Variants in LATS1 observed in about 807,000 individuals in gnomAD.
The protein encoded by LATS1 is serine/threonine-protein kinase LATS1.
A neutral mutation model predicts 106.6 loss-of-function variants in LATS1; 25 were observed. The ratio of observed to expected loss-of-function variants is 0.23; its 90% CI spans 0.17 to 0.33. LATS1 has a LOEUF of 0.33. LATS1 is among the 10% of genes least tolerant of loss of function. LATS1 has a pLI of 1.00. For missense variants in LATS1, 1,040 were observed against 1,382.6 expected, an observed-to-expected ratio of 0.75 and a Z score of 3.93; for synonymous variants, 465 against 455.6, an observed-to-expected ratio of 1.02 and a Z score of -0.26.
chr6:149,700,876 C>A (rs1311395501), intron 2 of LATS1, among the ~76,000 whole-genome samples: 1 of 152,194 alleles, frequency 6.6e-6, no homozygotes, highest in Non-Finnish European at 1.5e-5. Context: ...CTCTGCCTCC[C>A]GGGTTCAAGA....
At chr6:149,679,818 C>A (rs1474106894) in intron 5 of LATS1, 57 bp downstream of exon 5, 51 of 1,238,824 alleles carry the variant, frequency 4.1e-5, no homozygotes, top group Non-Finnish European at 5.4e-5. Flanking sequence ...TATTTTACTA[C>A]ATCAATAAAT....
intron 2 of LATS1, among the ~76,000 whole-genome samples, chr6:149,698,751 G>A (rs970129098): frequency 2.6e-5 from 4 of 150,994 alleles, no homozygotes; most frequent in African/African-American, 7.3e-5. Context: ...TTGTAGAGTC[G>A]GAGTTTCACC....
chr6:149,697,172 T>G (rs1783146947), intron 2 of LATS1: 1 of 1,332,522 alleles, frequency 7.5e-7, no homozygotes, highest in Admixed American at 1.9e-5. Context: ...AACAGGCTAC[T>G]GACAGATGAT....
chr6:149,684,642 C>T (rs777053509), intron 3 of LATS1, 50 bp from the exon 4 acceptor site: 3 of 1,376,730 alleles, frequency 2.2e-6, no homozygotes, highest in Non-Finnish European at 2.9e-6. Flanking sequence ...TTTTTAACCT[C>T]TAATTTTTGA....
chr6:149,665,535 A>C (rs938093976), intron 7 of LATS1, among the ~76,000 whole-genome samples: 1 of 152,064 alleles, frequency 6.6e-6, no homozygotes, highest in African/African-American at 2.4e-5. Context: ...CTAAATAGGG[A>C]GCCCCAGGGA....
chr6:149,674,024 T>C (rs1781577498), intron 7 of LATS1, among the ~76,000 whole-genome samples: 1 of 151,082 alleles, frequency 6.6e-6, no homozygotes, highest in Non-Finnish European at 1.5e-5. Context: ...AAGTTATAGC[T>C]TAAGAAAGGT....
At position 149,660,474 on chromosome 6, in the gene LATS1, T is replaced by C. The variant is rs1007755962; in HGVS notation, c.*1255A>G. ...GTAACTTTTGATAAAAACAATCCCTTATCAGTGGAGCTTAAGAAAAGGAAA... is the reference window on the plus strand; with the variant it reads ...GTAACTTTTGATAAAAACAATCCCTCATCAGTGGAGCTTAAGAAAAGGAAA... On this transcript the variant is annotated 3_prime_UTR_variant, in exon 8 of 8. Coordinates refer to ENST00000543571, the MANE Select transcript of LATS1 (RefSeq NM_004690.4). 1 of 232,942 alleles carries C rather than the reference T, an allele frequency of 4.3e-6. No individual in the cohort carries two copies. The highest frequency in any genetic ancestry group is 1.8e-4 in the South Asian group (1 of 5,528). 14.4% of individuals were successfully genotyped at this position (232,942 alleles called of 1,614,324 possible). A position where few individuals can be genotyped will look rare whatever the true frequency, so the allele number is the denominator to read the frequency against.
intron 1 of LATS1, among the ~76,000 whole-genome samples, chr6:149,709,433 G>GA (rs1269866845): frequency 3.3e-5 from 5 of 152,186 alleles, no homozygotes; most frequent in Non-Finnish European, 7.4e-5. Context: ...CTCTTGTGCG[G>GA]AAAATCTACA....
Position 149,683,468 on chromosome 6 carries a change from T to C in LATS1, c.1621A>G (p.Thr541Ala), listed in dbSNP as rs759933943. Residue 541 changes from threonine (T) to alanine (A), a missense_variant, in exon 4 of 8, where the codon ACT becomes GCT. Physicochemically the swap from Thr to Ala is moderately conservative, Grantham distance 58 (BLOSUM62 0). Transcript: ENST00000543571. Reference protein sequence around the residue: ...PFPEGTASNVTVMPPVAEAPN... With the variant: ...PFPEGTASNVAVMPPVAEAPN... Reference sequence around the variant, plus strand: ...GCTTCAGCAACAGGTGGCATCACAGTCACATTTGAAGCGGTTCCCTCAGGA... The same window carrying C: ...GCTTCAGCAACAGGTGGCATCACAGCCACATTTGAAGCGGTTCCCTCAGGA... 2.8e-5 allele frequency: 45 copies of C among 1,614,070 alleles called. No homozygotes were observed. Among genetic ancestry groups the C allele is most frequent in the Non-Finnish European group, 3.5e-5 (41 of 1,180,052 alleles).
At chr6:149,682,890 T>C in intron 4 of LATS1, 189 bp downstream of exon 4, 1 of 580,228 alleles carries the variant, frequency 1.7e-6, no homozygotes, top group South Asian at 3.0e-5. Context: ...TCTGAATAAA[T>C]ATTGAAATAC....
chr6:149,681,886 G>A (rs1169855047), intron 4 of LATS1, among the ~76,000 whole-genome samples: 2 of 152,056 alleles, frequency 1.3e-5, no homozygotes, highest in Non-Finnish European at 2.9e-5. Context: ...AGGCAGACGC[G>A]GGTGGGTCAT....
At chr6:149,706,183 C>CAAAAGAAAAAAAA (rs1402124612) in intron 1 of LATS1, among the ~76,000 whole-genome samples, 2 of 25,266 alleles carry the variant, frequency 7.9e-5, no homozygotes, top group African/African-American at 2.9e-4. Flanking sequence ...AACCCGGTCG[C>CAAAAGAAAAAAAA]AAAAAAAAAA....
intron 3 of LATS1, among the ~76,000 whole-genome samples, chr6:149,688,747 T>C (rs139314543): frequency 2.6e-5 from 4 of 152,088 alleles, no homozygotes; most frequent in African/African-American, 9.7e-5. Flanking sequence ...AGCAGGTGAA[T>C]AAATAAATGA....
At chr6:149,679,852 A>G (rs1781941158) in intron 5 of LATS1, 23 bp downstream of exon 5, 1 of 1,472,414 alleles carries the variant, frequency 6.8e-7, no homozygotes, top group African/African-American at 1.4e-5. Flanking sequence ...ACAAACTAAA[A>G]TAAATTTTAT....
At chr6:149,700,467 C>T (rs1783388183) in intron 2 of LATS1, among the ~76,000 whole-genome samples, 1 of 151,992 alleles carries the variant, frequency 6.6e-6, no homozygotes, top group East Asian at 1.9e-4. Context: ...AGCAAGGCTC[C>T]GTCTCAAAAA....
At chr6:149,697,002 G>C in intron 2 of LATS1, 1 of 532,732 alleles carries the variant, frequency 1.9e-6, no homozygotes, top group Admixed American at 2.4e-5. Flanking sequence ...TCCACTCCTT[G>C]TACTTTATGT....
At chr6:149,682,883 GAATA>G in intron 4 of LATS1, 192 bp downstream of exon 4, 2 of 568,966 alleles carry the variant, frequency 3.5e-6, no homozygotes, top group South Asian at 3.1e-5. Flanking sequence ...AGGAAATTCT[GAATA>G]AATATTGAAA....
chr6:149,692,826 C>A (rs560897372), intron 3 of LATS1, among the ~76,000 whole-genome samples: 1 of 152,098 alleles, frequency 6.6e-6, no homozygotes, highest in East Asian at 2.0e-4. Flanking sequence ...AGACACGCGC[C>A]ACCACACCCA....
In LATS1 at chr6:149,661,107, G is replaced by A. The variant is rs1202502727; in HGVS notation, c.*622C>T. On this transcript the variant is annotated 3_prime_UTR_variant, in exon 8 of 8. Coordinates refer to ENST00000543571, the MANE Select transcript of LATS1 (RefSeq NM_004690.4). ...TTAAATAGATTAAATATTCCATGGG[G>A]CGGGGGGTGGGGGGGAAGATAAATG... 1.3e-5 allele frequency: 1 copy of A among 78,460 alleles called. No homozygotes were observed. Among genetic ancestry groups the A allele is most frequent in the Non-Finnish European group, 2.2e-5 (1 of 45,064 alleles). 4.9% of individuals were successfully genotyped at this position (78,460 alleles called of 1,614,324 possible).
Sources: allele counts gnomAD v4.1 joint callset (sites outside exome capture counted in the v4.1 genomes callset), GRCh38; gene constraint gnomAD v4.1.1; transcripts MANE v1.5; gene names NCBI Gene and HGNC (gene_info 2026-07-23, HGNC 2026-07-21).